ELOVL7: variants seen among roughly 807,000 people sequenced by gnomAD.
ELOVL7 encodes the protein very long chain fatty acid elongase 7.
ELOVL7 carries 27 observed loss-of-function variants against 35.7 expected under a neutral mutation model. That is an observed-to-expected ratio of 0.76 (90% CI 0.56 to 1.04). ELOVL7 has a LOEUF of 1.04. ELOVL7 is among the 50% of genes least tolerant of loss of function. The pLI is 0.00. For missense variants in ELOVL7, 327 were observed against 340.8 expected, an observed-to-expected ratio of 0.96 and a Z score of 0.32; for synonymous variants, 113 against 114.6, an observed-to-expected ratio of 0.99 and a Z score of 0.09.
rs368479805 is a variant in ELOVL7, at chr5:60,754,848, C to T, written c.637-15G>A. 1.5e-4 allele frequency: 237 copies of T among 1,606,620 alleles called. 5 individuals are homozygous for T. The South Asian group carries it at 2.4e-3, about 16-fold the overall frequency. On this transcript the variant is annotated splice_polypyrimidine_tract_variant and intron_variant, in intron 8 of 8. Transcript: ENST00000508821. The stretch of plus-strand genomic sequence containing the variant: ...ACAAACTGGACCTAAGAAATGAAAA[C>T]GTGAAAAAAAATTATTCAGATATGA...
intron 7 of ELOVL7, among the ~76,000 whole-genome samples, chr5:60,761,788 GAATA>G (rs1167068133): frequency 6.6e-6 from 1 of 152,090 alleles, no homozygotes; most frequent in African/African-American, 2.4e-5. Flanking sequence ...GAGTTCTGGT[GAATA>G]AATAGTGCAT....
intron 1 of ELOVL7, among the ~76,000 whole-genome samples, chr5:60,831,806 C>T (rs997127502): frequency 2.6e-5 from 4 of 152,090 alleles, no homozygotes; most frequent in Non-Finnish European, 5.9e-5. Flanking sequence ...AAAAAACAAA[C>T]CATTAGAGTT....
chr5:60,806,823 A>G (rs368202068), intron 1 of ELOVL7, among the ~76,000 whole-genome samples: 2 of 152,194 alleles, frequency 1.3e-5, no homozygotes, highest in East Asian at 3.8e-4. Flanking sequence ...AGGGACAAAC[A>G]TAAAGAAGCA....
intron 1 of ELOVL7, among the ~76,000 whole-genome samples, chr5:60,841,333 A>G (rs1226049160): frequency 6.6e-6 from 1 of 152,188 alleles, no homozygotes; most frequent in African/African-American, 2.4e-5. Context: ...GCCTGAGAAT[A>G]CTAAAATACT....
chr5:60,813,606 A>G (rs1236901994), intron 1 of ELOVL7, among the ~76,000 whole-genome samples: 1 of 151,510 alleles, frequency 6.6e-6, no homozygotes. Context: ...CTCCCTCCCA[A>G]TCTCAGAAGT....
At chr5:60,807,826 C>T (rs562331031) in intron 1 of ELOVL7, among the ~76,000 whole-genome samples, 32 of 150,354 alleles carry the variant, frequency 2.1e-4, no homozygotes, top group East Asian at 1.2e-3. Context: ...GGTGAAACCC[C>T]GTCTCTACTA....
chr5:60,817,999 AT>A (rs1007762429), intron 1 of ELOVL7, among the ~76,000 whole-genome samples: 3 of 151,814 alleles, frequency 2.0e-5, no homozygotes, highest in Admixed American at 2.0e-4. Context: ...GAACAATGGA[AT>A]GCTATGCCTT....
intron 3 of ELOVL7, among the ~76,000 whole-genome samples, chr5:60,779,187 T>A: frequency 6.6e-6 from 1 of 152,198 alleles, no homozygotes; most frequent in Non-Finnish European, 1.5e-5. Context: ...CTGTGGCTTC[T>A]CCAGGTGCAC....
chr5:60,757,765 T>C (rs1199061083), intron 7 of ELOVL7, 120 bp from the exon 8 acceptor site: 1 of 799,498 alleles, frequency 1.3e-6, no homozygotes, highest in Non-Finnish European at 1.8e-6. Context: ...ATATAAAATA[T>C]CAATCCTGTT....
In ELOVL7 at chr5:60,766,634, C is replaced by A. The variant is rs777282568; in HGVS notation, c.337-4G>T. ...AAAGCCAGCAGGTACGTGCCATCTG[C>A]AGAAGCACAAATAAATCTAAATTTA... On this transcript the variant is annotated splice_polypyrimidine_tract_variant and splice_region_variant and intron_variant, in intron 5 of 8. Coordinates refer to ENST00000508821, the MANE Select transcript of ELOVL7 (RefSeq NM_024930.3). 3.1e-6 allele frequency: 5 copies of A among 1,610,024 alleles called. No individual in the cohort carries two copies. Among genetic ancestry groups the A allele is most frequent in the Admixed American group, 3.4e-5 (2 of 59,286 alleles).
chr5:60,762,299 C>CAAA (rs3030130), intron 7 of ELOVL7, among the ~76,000 whole-genome samples: 45 of 79,480 alleles, frequency 5.7e-4, no homozygotes, highest in African/African-American at 1.5e-3. Flanking sequence ...AACTCTGCCT[C>CAAA]AAAAAAAAAA....
intron 1 of ELOVL7, among the ~76,000 whole-genome samples, chr5:60,820,899 G>A (rs1206941494): frequency 6.6e-6 from 1 of 152,164 alleles, no homozygotes; most frequent in Non-Finnish European, 1.5e-5. Context: ...ACAGAAGGAA[G>A]TGAACTAATA....
intron 1 of ELOVL7, among the ~76,000 whole-genome samples, chr5:60,826,744 T>C (rs1746193949): frequency 6.6e-6 from 1 of 152,184 alleles, no homozygotes; most frequent in African/African-American, 2.4e-5. Flanking sequence ...AAAATAGTGC[T>C]AAGTGGGTGG....
intron 1 of ELOVL7, among the ~76,000 whole-genome samples, chr5:60,820,509 G>C (rs1180158878): frequency 6.6e-6 from 1 of 152,136 alleles, no homozygotes; most frequent in Non-Finnish European, 1.5e-5. Context: ...CAGTGTCTGG[G>C]ATAGAAAAAT....
intron 2 of ELOVL7, among the ~76,000 whole-genome samples, chr5:60,795,908 AC>A (rs1475790038): frequency 6.6e-6 from 1 of 152,054 alleles, no homozygotes; most frequent in African/African-American, 2.4e-5. Flanking sequence ...GAGGCCAAGA[AC>A]CCCAGGTCAG....
intron 2 of ELOVL7, among the ~76,000 whole-genome samples, chr5:60,793,792 A>C (rs1299370471): frequency 6.6e-6 from 1 of 152,192 alleles, no homozygotes; most frequent in Non-Finnish European, 1.5e-5. Context: ...AAAAGAAGAA[A>C]GTACACTAAA....
intron 1 of ELOVL7, among the ~76,000 whole-genome samples, chr5:60,833,089 T>C (rs1282199825): frequency 6.6e-6 from 1 of 152,140 alleles, no homozygotes; most frequent in East Asian, 1.9e-4. Flanking sequence ...TAGACAAAGA[T>C]GGAGGGGGGC....
intron 3 of ELOVL7, among the ~76,000 whole-genome samples, chr5:60,781,046 C>G (rs186316473): frequency 1.3e-5 from 2 of 151,932 alleles, no homozygotes; most frequent in African/African-American, 4.8e-5. Context: ...CCTGTCTCTA[C>G]GAAAAATACA....
intron 4 of ELOVL7, among the ~76,000 whole-genome samples, chr5:60,769,020 A>G (rs1477903670): frequency 2.0e-5 from 3 of 152,220 alleles, no homozygotes; most frequent in Non-Finnish European, 4.4e-5. Context: ...ACACTATAGT[A>G]TTATAAAATG....
Sources: gnomAD v4.1 joint callset for allele counts (sites outside exome capture counted in the v4.1 genomes callset) on GRCh38, gnomAD v4.1.1 for gene constraint, MANE v1.5 for transcripts, NCBI Gene and HGNC (gene_info 2026-07-23, HGNC 2026-07-21) for gene names.